RANBP2: variants seen among roughly 807,000 people sequenced by gnomAD.
The protein encoded by RANBP2 is RAN binding protein 2, also known as E3 SUMO-protein ligase RanBP2.
In RANBP2, 57 loss-of-function variants were observed where a neutral mutation model predicts 303.6. The ratio of observed to expected loss-of-function variants is 0.19; its 90% CI spans 0.15 to 0.23. The LOEUF is 0.23. Ranked by LOEUF, RANBP2 falls within the 10% of genes least tolerant of loss-of-function variation. The probability of loss-of-function intolerance (pLI) is 1.00; values close to 1 mark genes in which losing one functional copy is unlikely to be tolerated. For missense variants in RANBP2, 3,138 were observed against 3,780.8 expected (o/e 0.83, Z 4.46); for synonymous variants, 1,167 against 1,301.5 (o/e 0.90, Z 2.23).
At chr2:108,852,210 A>G in the RANBP2 span, among the ~76,000 whole-genome samples, 1 of 152,210 alleles carries the variant, frequency 6.6e-6, no homozygotes, top group Non-Finnish European at 1.5e-5. Flanking sequence ...GCTGCACACA[A>G]TCAGTATGTG....
chr2:109,733,570 A>G, the RANBP2 span, among the ~76,000 whole-genome samples: 2 of 152,132 alleles, frequency 1.3e-5, no homozygotes. Context: ...TAGCCAGACA[A>G]GAAAAGTCGT....
the RANBP2 span, among the ~76,000 whole-genome samples, chr2:109,541,826 C>G: frequency 3.9e-5 from 6 of 152,330 alleles, no homozygotes; most frequent in Non-Finnish European, 7.3e-5. Context: ...TGCTCCAAAC[C>G]TACTTGGTTG....
the RANBP2 span, among the ~76,000 whole-genome samples, chr2:109,626,098 G>A: frequency 6.6e-6 from 1 of 152,190 alleles, no homozygotes. Context: ...GTGGACCTTG[G>A]TCTCCCTTGC....
chr2:108,953,461 G>C, the RANBP2 span, among the ~76,000 whole-genome samples: 1 of 152,156 alleles, frequency 6.6e-6, no homozygotes, highest in Non-Finnish European at 1.5e-5. Flanking sequence ...CCTCACTACA[G>C]TCTACAAATT....
chr2:109,225,820 C>T, the RANBP2 span, among the ~76,000 whole-genome samples: 1 of 152,314 alleles, frequency 6.6e-6, no homozygotes, highest in Middle Eastern at 3.4e-3. Flanking sequence ...GGCTGCACTG[C>T]AGAAGTGCGA....
chr2:108,897,122 C>T, the RANBP2 span: 3 of 1,613,856 alleles, frequency 1.9e-6, no homozygotes, highest in African/African-American at 1.3e-5. Context: ...AAGCTCTCGG[C>T]GAGGTGGCGC....
the RANBP2 span, among the ~76,000 whole-genome samples, chr2:109,087,555 T>C: frequency 6.6e-6 from 1 of 152,140 alleles, no homozygotes; most frequent in Non-Finnish European, 1.5e-5. Flanking sequence ...CAGCATAAGG[T>C]CAAGGCCAGG....
chr2:108,957,236 G>C, the RANBP2 span, among the ~76,000 whole-genome samples: 14 of 152,328 alleles, frequency 9.2e-5, no homozygotes, highest in Middle Eastern at 6.8e-3. Context: ...ATTTCTGGTG[G>C]GCTCCCAGGT....
chr2:109,318,507 T>C, the RANBP2 span, among the ~76,000 whole-genome samples: 1 of 152,342 alleles, frequency 6.6e-6, no homozygotes, highest in Non-Finnish European at 1.5e-5. Flanking sequence ...ACAATCATTT[T>C]GGCGACCGTG....
chr2:109,036,864 C>T, the RANBP2 span, among the ~76,000 whole-genome samples: 82 of 152,278 alleles, frequency 5.4e-4, no homozygotes, highest in African/African-American at 1.9e-3. Context: ...AAAAATCAGG[C>T]TGGGCAAGGT....
At chr2:108,777,022 C>T in intron 24 of RANBP2, 108 bp from the exon 25 acceptor site, 1 of 890,532 alleles carries the variant, frequency 1.1e-6, no homozygotes, top group Non-Finnish European at 1.8e-6. Context: ...AAATAACTCC[C>T]CTCATCCCAG....
the RANBP2 span, among the ~76,000 whole-genome samples, chr2:108,823,328 A>C: frequency 3.3e-5 from 5 of 152,342 alleles, no homozygotes; most frequent in South Asian, 1.0e-3. Context: ...CTAGACAAAG[A>C]CGCAATAAAA....
chr2:109,347,459 C>T, the RANBP2 span, among the ~76,000 whole-genome samples: 1 of 152,000 alleles, frequency 6.6e-6, no homozygotes, highest in Admixed American at 6.5e-5. Flanking sequence ...GGAGGAATGG[C>T]TAGGATGGGG....
chr2:108,999,194 G>T, the RANBP2 span, among the ~76,000 whole-genome samples: 1 of 152,094 alleles, frequency 6.6e-6, no homozygotes, highest in South Asian at 2.1e-4. Flanking sequence ...AGAAGCCCTG[G>T]GTTCTTCATC....
At chr2:109,692,028 C>T in the RANBP2 span, among the ~76,000 whole-genome samples, 5 of 152,208 alleles carry the variant, frequency 3.3e-5, no homozygotes, top group South Asian at 2.1e-4. Flanking sequence ...ATGATCCACC[C>T]GCCTCGGCCT....
chr2:109,585,244 A>T, the RANBP2 span: 2 of 1,613,308 alleles, frequency 1.2e-6, no homozygotes, highest in Non-Finnish European at 1.7e-6. Context: ...TTTGGGCAAA[A>T]ATGTGAGGAT....
the RANBP2 span, among the ~76,000 whole-genome samples, chr2:109,052,147 G>A: frequency 5.3e-5 from 8 of 152,316 alleles, no homozygotes; most frequent in Admixed American, 3.9e-4. Context: ...AAGAAGGCAT[G>A]TATATCCACT....
At chr2:108,884,537 CTTTG>C in the RANBP2 span, 1 of 152,160 alleles carries the variant, frequency 6.6e-6, no homozygotes, top group East Asian at 1.9e-4. Context: ...GAGAAGAGAT[CTTTG>C]TTTTGTTTTT....
chr2:109,587,149 G>C, the RANBP2 span, among the ~76,000 whole-genome samples: 1 of 152,092 alleles, frequency 6.6e-6, no homozygotes, highest in African/African-American at 2.4e-5. Context: ...GATATAATGG[G>C]TGGCATGACG....
Sources: gnomAD v4.1 joint callset for allele counts (sites outside exome capture counted in the v4.1 genomes callset) on GRCh38, gnomAD v4.1.1 for gene constraint, MANE v1.5 for transcripts, NCBI Gene and HGNC (gene_info 2026-07-23, HGNC 2026-07-21) for gene names.